The following SAMD5 variants were observed in gnomAD, a reference collection of about 807,000 sequenced individuals.
SAMD5 encodes the protein sterile alpha motif domain-containing protein 5.
A neutral mutation model predicts 11.3 loss-of-function variants in SAMD5; 13 were observed. The ratio of observed to expected loss-of-function variants is 1.15; its 90% CI spans 0.75 to 1.83. The LOEUF is 1.83. Among genes scored for constraint, SAMD5 ranks in the 40% most tolerant of loss-of-function variants. The pLI is 0.00. For synonymous variants in SAMD5, 129 were observed against 111.3 expected, an observed-to-expected ratio of 1.16 and a Z score of -1.00; for missense variants, 255 against 239.1, an observed-to-expected ratio of 1.07 and a Z score of -0.44.
At position 147,567,147 on chromosome 6, in the gene SAMD5, G is replaced by T. The variant is rs1055822749; in HGVS notation, c.*2691G>T. On this transcript the variant is annotated 3_prime_UTR_variant, in exon 2 of 2. Transcript: ENST00000367474. Reference sequence around the variant, plus strand: ...CTTAAAATTTAGGGAGGTAAAAAAAGATTTTATTCACATAAAAGATTTCTT... The same window carrying T: ...CTTAAAATTTAGGGAGGTAAAAAAATATTTTATTCACATAAAAGATTTCTT... 6 of 984,480 alleles carry T rather than the reference G, an allele frequency of 6.1e-6. No homozygotes were observed. Among genetic ancestry groups the T allele is most frequent in the South Asian group, 4.7e-5 (1 of 21,256 alleles). 61.0% of individuals were successfully genotyped at this position (984,480 alleles called of 1,614,324 possible). A position where few individuals can be genotyped will look rare whatever the true frequency, so the allele number is the denominator to read the frequency against.
At position 147,509,379 on chromosome 6, in the gene SAMD5, T is replaced by TCC; in HGVS notation, c.453_454dup (p.Arg152ProfsTer10). ...CATCCACCTGAGCAAGCCCCCGTAC[T>TCC]CCCGCAAGGTAAGGAGGTGCCGTCC... On this transcript the variant is annotated frameshift_variant, in exon 1 of 2. Transcript: ENST00000367474. LOFTEE classifies it high-confidence loss of function. The TCC allele has an allele frequency of 6.5e-7, 1 of 1,544,862 alleles. No homozygotes were observed.
At chr6:147,561,241 T>A (rs1788943439) in intron 1 of SAMD5, among the ~76,000 whole-genome samples, 1 of 152,174 alleles carries the variant, frequency 6.6e-6, no homozygotes, top group African/African-American at 2.4e-5. Flanking sequence ...CAGGCTGGAG[T>A]GCAGTGCCTG....
chr6:147,719,190 C>G (rs1791510679), intron 1 of SAMD5, among the ~76,000 whole-genome samples: 1 of 152,186 alleles, frequency 6.6e-6, no homozygotes, highest in Non-Finnish European at 1.5e-5. Context: ...AAGCTGACTT[C>G]TCTGGAAAAA....
At chr6:147,637,833 G>A (rs2128452005) in intron 1 of SAMD5, among the ~76,000 whole-genome samples, 1 of 150,710 alleles carries the variant, frequency 6.6e-6, no homozygotes, top group East Asian at 1.9e-4. Context: ...TATGATTTAA[G>A]CATCTTCCTT....
chr6:147,901,064 A>G, the SAMD5 span, among the ~76,000 whole-genome samples: 1 of 152,228 alleles, frequency 6.6e-6, no homozygotes, highest in Non-Finnish European at 1.5e-5. Flanking sequence ...TCACAGCTTC[A>G]TCAACTACTA....
the SAMD5 span, among the ~76,000 whole-genome samples, chr6:147,916,600 C>T: frequency 6.6e-6 from 1 of 151,822 alleles, no homozygotes; most frequent in African/African-American, 2.4e-5. Context: ...TACATGTGTA[C>T]AATGTGCAGG....
At chr6:147,513,897 C>G (rs992326789) in intron 1 of SAMD5, among the ~76,000 whole-genome samples, 1 of 152,100 alleles carries the variant, frequency 6.6e-6, no homozygotes, top group Non-Finnish European at 1.5e-5. Flanking sequence ...CGTCGAGGAC[C>G]TTTGCCACAG....
chr6:147,920,228 G>A, the SAMD5 span, among the ~76,000 whole-genome samples: 2 of 152,206 alleles, frequency 1.3e-5, no homozygotes, highest in African/African-American at 4.8e-5. Flanking sequence ...AGCACTGCTA[G>A]AATAAAGCAG....
At chr6:147,917,471 A>C in the SAMD5 span, among the ~76,000 whole-genome samples, 1 of 151,836 alleles carries the variant, frequency 6.6e-6, no homozygotes, top group Non-Finnish European at 1.5e-5. Context: ...TTTGTCAGAT[A>C]AGTAGGTTGC....
intron 1 of SAMD5, among the ~76,000 whole-genome samples, chr6:147,690,792 A>G (rs1791089895): frequency 6.6e-6 from 1 of 152,192 alleles, no homozygotes; most frequent in Non-Finnish European, 1.5e-5. Flanking sequence ...TCTGAATTTT[A>G]TGTTTCCTCT....
At chr6:147,574,742 A>G (rs1466305012), downstream of SAMD5, among the ~76,000 whole-genome samples, 3 of 152,226 alleles carry the variant, frequency 2.0e-5, no homozygotes, top group Non-Finnish European at 4.4e-5. Flanking sequence ...CAGAAGGGTA[A>G]GAGACTGAAT....
chr6:147,825,532 G>GCA, the SAMD5 span, among the ~76,000 whole-genome samples: 2 of 152,192 alleles, frequency 1.3e-5, no homozygotes, highest in South Asian at 2.1e-4. Flanking sequence ...ATTCCAGATG[G>GCA]CACATTTTAT....
At chr6:147,630,409 G>A (rs4530880) in intron 1 of SAMD5, among the ~76,000 whole-genome samples, 72,141 of 151,776 alleles carry the variant, frequency 0.48, 17,597 homozygotes, top group Middle Eastern at 0.57. Flanking sequence ...GCACGTATTT[G>A]TCCAGACGGC....
At chr6:147,867,890 T>C in the SAMD5 span, among the ~76,000 whole-genome samples, 1 of 152,174 alleles carries the variant, frequency 6.6e-6, no homozygotes, top group African/African-American at 2.4e-5. Context: ...AACAAAACAA[T>C]TCTATTCCCT....
chr6:147,666,810 A>G (rs9377073), intron 1 of SAMD5, among the ~76,000 whole-genome samples: 24,281 of 152,188 alleles, frequency 0.16, 2,086 homozygotes, highest in East Asian at 0.29. Flanking sequence ...TAAGAGTGGG[A>G]CATTTACTGG....
chr6:147,792,382 G>C, the SAMD5 span, among the ~76,000 whole-genome samples: 1 of 152,158 alleles, frequency 6.6e-6, no homozygotes, highest in Non-Finnish European at 1.5e-5. Context: ...TTACAAATAA[G>C]TAAAGGGAGA....
At chr6:147,629,607 G>A (rs1309378593) in intron 1 of SAMD5, among the ~76,000 whole-genome samples, 1 of 152,198 alleles carries the variant, frequency 6.6e-6, no homozygotes, top group East Asian at 1.9e-4. Context: ...CAGGGTGACA[G>A]AAGATCTTAT....
chr6:147,606,470 C>A (rs1046749133), intron 1 of SAMD5, among the ~76,000 whole-genome samples: 1 of 151,272 alleles, frequency 6.6e-6, no homozygotes, highest in Non-Finnish European at 1.5e-5. Context: ...TCCTTAATTG[C>A]AATAATCTTT....
At chr6:147,650,348 G>A (rs1203464358) in intron 1 of SAMD5, among the ~76,000 whole-genome samples, 1 of 152,174 alleles carries the variant, frequency 6.6e-6, no homozygotes, top group African/African-American at 2.4e-5. Flanking sequence ...TGGCAAAGGA[G>A]GGGGCAAGGG....
Sources: gnomAD v4.1 joint callset for allele counts (sites outside exome capture counted in the v4.1 genomes callset) on GRCh38, gnomAD v4.1.1 for gene constraint, MANE v1.5 for transcripts, NCBI Gene and HGNC (gene_info 2026-07-23, HGNC 2026-07-21) for gene names.